KRABD1: variants seen among roughly 807,000 people sequenced by gnomAD.
KRABD1 encodes KRAB domain-containing protein 1.
At chr3:42,937,785 A>G in the KRABD1 span, 1 of 152,092 alleles carries the variant, frequency 6.6e-6, no homozygotes, top group African/African-American at 2.4e-5. Context: ...TACCTTCCTG[A>G]ATGGCTTTCT....
the KRABD1 span, chr3:42,942,510 C>G: frequency 1.6e-6 from 1 of 606,452 alleles, no homozygotes; most frequent in Admixed American, 3.4e-5. Flanking sequence ...TTTAAGCTTA[C>G]AGTTGTTATG....
chr3:42,942,011 T>C, the KRABD1 span: 1 of 1,535,936 alleles, frequency 6.5e-7, no homozygotes, highest in South Asian at 1.2e-5. Flanking sequence ...AGGGAAAGAG[T>C]CCTGTTTCAC....
chr3:42,938,617 G>A, the KRABD1 span: 1 of 330,758 alleles, frequency 3.0e-6, no homozygotes, highest in East Asian at 4.7e-5. Flanking sequence ...CTATGGATTA[G>A]CTGAAATTAT....
chr3:42,939,708 C>T, the KRABD1 span, among the ~76,000 whole-genome samples: 1 of 152,092 alleles, frequency 6.6e-6, no homozygotes, highest in Non-Finnish European at 1.5e-5. Context: ...ACATCCTTAC[C>T]ATTACTTGTT....
chr3:42,938,997 C>T, the KRABD1 span: 1 of 1,186,366 alleles, frequency 8.4e-7, no homozygotes, highest in Non-Finnish European at 1.2e-6. Flanking sequence ...TTATTAGATA[C>T]ATACATAAAA....
At chr3:42,941,301 G>A in the KRABD1 span, 2 of 1,599,718 alleles carry the variant, frequency 1.3e-6, no homozygotes, top group Middle Eastern at 1.7e-4. Flanking sequence ...TGCCGAGAGG[G>A]CCTTGTACAG....
the KRABD1 span, chr3:42,941,158 C>A: frequency 1.3e-5 from 19 of 1,459,916 alleles, no homozygotes; most frequent in Non-Finnish European, 1.7e-5. Context: ...CTTCTCAGGT[C>A]TCTCATTGGC....
the KRABD1 span, chr3:42,938,959 A>T: frequency 9.2e-6 from 14 of 1,516,226 alleles, no homozygotes; most frequent in South Asian, 1.7e-4. Context: ...ATCTCTGTAC[A>T]TATCCCTGTG....
At chr3:42,938,329 A>G in the KRABD1 span, 1 of 152,194 alleles carries the variant, frequency 6.6e-6, no homozygotes, top group African/African-American at 2.4e-5. Flanking sequence ...TCTGATAACT[A>G]TTTTCAAAGT....
the KRABD1 span, chr3:42,938,238 C>T: frequency 6.6e-6 from 1 of 152,168 alleles, no homozygotes; most frequent in African/African-American, 2.4e-5. Flanking sequence ...TTTCTCATCA[C>T]CCACTCCAAA....
At chr3:42,937,821 G>GGGA in the KRABD1 span, 6 of 152,212 alleles carry the variant, frequency 3.9e-5, no homozygotes, top group Admixed American at 1.3e-4. Context: ...AGTCATTGGA[G>GGGA]GGAGGGGCAG....
At chr3:42,940,767 G>T in the KRABD1 span, among the ~76,000 whole-genome samples, 7 of 152,172 alleles carry the variant, frequency 4.6e-5, no homozygotes, top group African/African-American at 1.4e-4. Context: ...AAGGAGATAG[G>T]CAAGAACGAA....
chr3:42,937,435 T>G, the KRABD1 span: 1 of 152,246 alleles, frequency 6.6e-6, no homozygotes, highest in Admixed American at 6.5e-5. Flanking sequence ...CCTTTTTGCT[T>G]AAGTCCTTTT....
At chr3:42,937,205 G>A in the KRABD1 span, 4 of 152,192 alleles carry the variant, frequency 2.6e-5, no homozygotes, top group African/African-American at 9.6e-5. Context: ...AATTGTCAAG[G>A]TTCATAGGAT....
the KRABD1 span, chr3:42,941,360 C>G: frequency 3.2e-6 from 5 of 1,575,994 alleles, no homozygotes; most frequent in South Asian, 2.3e-5. Context: ...TAGGTAAGGC[C>G]TCTCTGCTGC....
At chr3:42,942,576 GC>G in the KRABD1 span, 1 of 1,427,092 alleles carries the variant, frequency 7.0e-7, no homozygotes, top group Non-Finnish European at 9.3e-7. Context: ...CTTAGCTAAA[GC>G]AGTGTTACGT....
At chr3:42,936,936 A>G in the KRABD1 span, 3 of 152,122 alleles carry the variant, frequency 2.0e-5, no homozygotes, top group Non-Finnish European at 4.4e-5. Flanking sequence ...AAATTTGAGA[A>G]TACCGAATTG....
chr3:42,940,706 G>A, the KRABD1 span, among the ~76,000 whole-genome samples: 1 of 152,164 alleles, frequency 6.6e-6, no homozygotes. Context: ...GACAGGCTGC[G>A]GGTGGGAGTT....
chr3:42,941,887 T>C, the KRABD1 span: 5 of 931,652 alleles, frequency 5.4e-6, no homozygotes, highest in African/African-American at 1.6e-5. Context: ...CTTGTTCTTG[T>C]AGCCACAGGC....
Sources: gnomAD v4.1 joint callset for allele counts (sites outside exome capture counted in the v4.1 genomes callset) on GRCh38, gnomAD v4.1.1 for gene constraint, MANE v1.5 for transcripts, NCBI Gene and HGNC (gene_info 2026-07-23, HGNC 2026-07-21) for gene names.